Variants in CCDC186 observed in about 807,000 individuals in gnomAD.
The protein encoded by CCDC186 is coiled-coil domain containing 186.
Under a neutral mutation model 113.7 loss-of-function variants are expected in CCDC186, and 49 were observed. The observed-to-expected ratio is 0.43, with a 90% CI of 0.34 to 0.55. The LOEUF (loss-of-function observed/expected upper bound fraction) is 0.55. Among genes scored for constraint, CCDC186 ranks in the 20% least tolerant of loss-of-function variants. The pLI is 0.02. For synonymous variants in CCDC186, 355 were observed against 345.8 expected (o/e 1.03, Z -0.30); for missense variants, 890 against 1,011.1 (o/e 0.88, Z 1.62).
chr10:114,133,043 G>A (rs755253197), intron 10 of CCDC186, among the ~76,000 whole-genome samples: 3 of 152,154 alleles, frequency 2.0e-5, no homozygotes, highest in Non-Finnish European at 4.4e-5. Context: ...CTGAGGCAGT[G>A]GGAAATCAAT....
chr10:114,128,109 T>C (rs137894900), intron 13 of CCDC186, among the ~76,000 whole-genome samples: 51 of 152,286 alleles, frequency 3.3e-4, no homozygotes, highest in African/African-American at 1.2e-3. Flanking sequence ...TTGGACAAGG[T>C]ATTTAATTTT....
chr10:114,157,137 A>T (rs1479347155), intron 3 of CCDC186, among the ~76,000 whole-genome samples: 1 of 149,958 alleles, frequency 6.7e-6, no homozygotes, highest in Non-Finnish European at 1.5e-5. Flanking sequence ...TTAAAATATG[A>T]TTTACCTTAT....
chr10:114,167,799 T>TA (rs60257583), intron 1 of CCDC186, among the ~76,000 whole-genome samples: 11,837 of 71,138 alleles, frequency 0.17, 1,230 homozygotes, highest in Admixed American at 0.18. Context: ...CTAATCTCCG[T>TA]AAAAAAAAAA....
At position 114,173,206 on chromosome 10, in the gene CCDC186, A is replaced by G. The variant is rs11196648; in HGVS notation, c.-62+809T>C. ...GATTTCCACAGGTAACAAGATTATC[A>G]AGTGAAAGAAGTAGGATTCTAATCC... is the stretch of plus-strand genomic sequence containing the variant. On this transcript the variant is annotated intron_variant, in intron 1 of 15. Coordinates refer to ENST00000369287, the MANE Select transcript of CCDC186 (RefSeq NM_018017.4). 3,631 of 455,936 alleles carry G rather than the reference A, an allele frequency of 8.0e-3. 23 individuals are homozygous for G. Among genetic ancestry groups the G allele is most frequent in the Non-Finnish European group, 0.011 (2,480 of 226,700 alleles). The allele number at this position is 455,936 out of a possible 1,614,324, so 28.2% of individuals were successfully genotyped here.
rs1259700183 is a variant in CCDC186 at position 114,149,802 on chromosome 10, A to C, written c.888+1290T>G. Among the ~76,000 whole-genome samples the C allele has an allele frequency of 5.7e-3, 226 of 39,568 alleles. 1 individual carries two copies. Among genetic ancestry groups the C allele is most frequent in the Middle Eastern group, 0.019 (2 of 108 alleles). The allele number at this position is 39,568 out of a possible 152,430, so 26.0% of individuals were successfully genotyped here. A position where few individuals can be genotyped will look rare whatever the true frequency, so the allele number is the denominator to read the frequency against. ...GCAGGAAGGCAGGAAGGAAGGAAGG[A>C]AGGAAGGAAGGAAGGCAGGAAGGCA... On this transcript the variant is annotated intron_variant, in intron 4 of 15. Coordinates refer to ENST00000369287, the MANE Select transcript of CCDC186 (RefSeq NM_018017.4).
At chr10:114,147,383 T>C (rs1283225452) in intron 4 of CCDC186, among the ~76,000 whole-genome samples, 2 of 151,934 alleles carry the variant, frequency 1.3e-5, no homozygotes, top group Non-Finnish European at 2.9e-5. Context: ...GCAGGAAGGG[T>C]AAAAGATGCT....
chr10:114,168,796 A>G (rs956858783), intron 1 of CCDC186, among the ~76,000 whole-genome samples: 1 of 152,232 alleles, frequency 6.6e-6, no homozygotes. Flanking sequence ...TCTCTATTGC[A>G]ATACTGCTGT....
intron 2 of CCDC186, among the ~76,000 whole-genome samples, chr10:114,160,593 A>G (rs2032141690): frequency 6.6e-6 from 1 of 151,374 alleles, no homozygotes; most frequent in Non-Finnish European, 1.5e-5. Context: ...TGATTGTGGT[A>G]ATCATTTCAC....
intron 3 of CCDC186, among the ~76,000 whole-genome samples, chr10:114,152,108 A>G (rs1427214661): frequency 6.6e-6 from 1 of 152,196 alleles, no homozygotes; most frequent in Non-Finnish European, 1.5e-5. Flanking sequence ...TGGAAAGCTG[A>G]GGAGAGGGAA....
intron 1 of CCDC186, among the ~76,000 whole-genome samples, chr10:114,170,486 A>T (rs950426240): frequency 6.6e-6 from 1 of 152,076 alleles, no homozygotes; most frequent in African/African-American, 2.4e-5. Context: ...AAACCCAGCT[A>T]ATTTTTAAAA....
intron 14 of CCDC186, 56 bp from the exon 15 acceptor site, chr10:114,126,161 A>G: frequency 7.1e-7 from 1 of 1,403,556 alleles, no homozygotes; most frequent in Non-Finnish European, 9.9e-7. Flanking sequence ...AAAAAATGGA[A>G]TCTGCAAAAG....
chr10:114,164,107 TATATATA>T (rs1454070594), intron 1 of CCDC186, among the ~76,000 whole-genome samples: 1 of 129,624 alleles, frequency 7.7e-6, no homozygotes, highest in African/African-American at 3.3e-5. Context: ...TGTGTGTATA[TATATATA>T]TTTTTTTTTT....
rs1167913166 is a variant in CCDC186, at chr10:114,137,360, G to A, written c.1222-70C>T. 4.8e-6 allele frequency: 5 copies of A among 1,037,552 alleles called. No homozygotes were observed. The East Asian group carries it at 9.6e-5, about 20-fold the overall frequency. 64.3% of individuals were successfully genotyped at this position (1,037,552 alleles called of 1,614,324 possible). The stretch of plus-strand genomic sequence containing the variant: ...ATGAATGGTAAGAAGTGACCGGCAA[G>A]TAGGAAGGTTCTTGTCCTAGCACTG... On this transcript the variant is annotated intron_variant, in intron 6 of 15. Transcript: ENST00000369287.
intron 1 of CCDC186, among the ~76,000 whole-genome samples, chr10:114,168,453 T>C (rs1030567442): frequency 1.4e-4 from 22 of 152,224 alleles, no homozygotes; most frequent in African/African-American, 4.1e-4. Flanking sequence ...TTAGGTTTGA[T>C]AAACTGCAAA....
chr10:114,154,253 A>G (rs939850169), intron 3 of CCDC186, among the ~76,000 whole-genome samples: 2 of 151,532 alleles, frequency 1.3e-5, no homozygotes, highest in Admixed American at 6.6e-5. Context: ...AACAGAGACA[A>G]CAAACAAAAC....
At chr10:114,150,194 A>T (rs1794503675) in intron 4 of CCDC186, among the ~76,000 whole-genome samples, 1 of 152,216 alleles carries the variant, frequency 6.6e-6, no homozygotes. Flanking sequence ...TTCAGATTCA[A>T]TTCATTGTGA....
chr10:114,168,097 T>C (rs1203469796), intron 1 of CCDC186: 1 of 152,222 alleles, frequency 6.6e-6, no homozygotes, highest in African/African-American at 2.4e-5. Context: ...AGAAATACTA[T>C]AATACAGTAC....
intron 2 of CCDC186, among the ~76,000 whole-genome samples, chr10:114,161,272 T>C (rs957914453): frequency 1.1e-4 from 17 of 152,230 alleles, no homozygotes; most frequent in Admixed American, 4.6e-4. Context: ...TTGAGCAAGT[T>C]ACTTTTTCTC....
At chr10:114,133,553 T>C (rs1264335711) in intron 10 of CCDC186, among the ~76,000 whole-genome samples, 1 of 152,054 alleles carries the variant, frequency 6.6e-6, no homozygotes, top group Admixed American at 6.5e-5. Flanking sequence ...GAGGGCATTA[T>C]GAGAGAAAGA....
Sources: gnomAD v4.1 joint callset for allele counts (sites outside exome capture counted in the v4.1 genomes callset) on GRCh38, gnomAD v4.1.1 for gene constraint, MANE v1.5 for transcripts, NCBI Gene and HGNC (gene_info 2026-07-23, HGNC 2026-07-21) for gene names.